FGD3: variants seen among roughly 807,000 people sequenced by gnomAD.
FGD3 encodes FYVE, RhoGEF and PH domain-containing protein 3.
FGD3 carries 45 observed loss-of-function variants against 71.8 expected under a neutral mutation model. The ratio of observed to expected loss-of-function variants is 0.63; its 90% CI spans 0.49 to 0.80. FGD3 has a LOEUF of 0.80. Ranked by LOEUF, FGD3 falls within the 30% of genes least tolerant of loss-of-function variation. FGD3 has a pLI of 0.00. For missense variants in FGD3, 844 were observed against 951.5 expected (o/e 0.89, Z 1.49); for synonymous variants, 378 against 392.8 (o/e 0.96, Z 0.44).
chr9:92,953,215 T>C (rs1858987735), intron 1 of FGD3, among the ~76,000 whole-genome samples: 1 of 152,198 alleles, frequency 6.6e-6, no homozygotes, highest in Non-Finnish European at 1.5e-5. Flanking sequence ...ATTGATAATT[T>C]TTTCCTACAG....
chr9:92,997,198 C>G (rs1860680618), intron 3 of FGD3, among the ~76,000 whole-genome samples: 1 of 152,142 alleles, frequency 6.6e-6, no homozygotes, highest in African/African-American at 2.4e-5. Context: ...GTTAGCTCTT[C>G]TTGTTGAATT....
intron 3 of FGD3, among the ~76,000 whole-genome samples, chr9:92,979,499 C>T (rs1859903149): frequency 6.6e-6 from 1 of 152,090 alleles, no homozygotes; most frequent in South Asian, 2.1e-4. Context: ...TGTTGAATTT[C>T]ATTTCCTAGT....
chr9:93,033,135 T>C, intron 16 of FGD3: 1 of 530,322 alleles, frequency 1.9e-6, no homozygotes. Context: ...CAAGTGTCAC[T>C]CCTGGTCACC....
intron 13 of FGD3, among the ~76,000 whole-genome samples, chr9:93,021,451 G>A (rs895077946): frequency 1.3e-5 from 2 of 152,110 alleles, no homozygotes; most frequent in African/African-American, 4.8e-5. Context: ...TGAGGAGGCC[G>A]ATCTCTGCCC....
chr9:93,022,441 T>G (rs1861959235), intron 14 of FGD3, 52 bp downstream of exon 14: 2 of 1,586,310 alleles, frequency 1.3e-6, no homozygotes, highest in South Asian at 1.1e-5. Context: ...GAGCAGGGGG[T>G]CAGACCAGGA....
At chr9:92,953,566 C>A (rs948348061) in intron 1 of FGD3, among the ~76,000 whole-genome samples, 1 of 152,150 alleles carries the variant, frequency 6.6e-6, no homozygotes, top group Admixed American at 6.6e-5. Context: ...CCCAGGGAGC[C>A]CCCAGGAACT....
chr9:93,010,689 G>C (rs1861300977), intron 7 of FGD3, among the ~76,000 whole-genome samples: 1 of 81,184 alleles, frequency 1.2e-5, no homozygotes, highest in African/African-American at 5.9e-5. Flanking sequence ...ACAGAGGGGA[G>C]GAGAGAGAGA....
At position 93,020,335 on chromosome 9, in the gene FGD3, G is replaced by A. The variant is rs61753294; in HGVS notation, c.1405G>A (p.Glu469Lys). Residue 469 changes from glutamate (E) to lysine (K), a missense_variant, in exon 13 of 18, where the codon GAG becomes AAG. Physicochemically the swap from Glu to Lys is moderately conservative, Grantham distance 56. Coordinates refer to ENST00000375482, the MANE Select transcript of FGD3 (RefSeq NM_001083536.2). ...EWIQIIQATI[E>K]KHKQNSETFK... ...TGTCCAGATCATCCAGGCCACCATC[G>A]AGAAGCACAAACAGAACAGCGAAAC... The A allele has an allele frequency of 8.1e-6, 13 of 1,612,684 alleles. 1 individual carries two copies. The South Asian group carries it at 1.1e-4, about 14-fold the overall frequency.
At chr9:93,000,476 T>C (rs1027899587) in intron 3 of FGD3, among the ~76,000 whole-genome samples, 2 of 152,230 alleles carry the variant, frequency 1.3e-5, no homozygotes, top group Non-Finnish European at 2.9e-5. Flanking sequence ...GCACATTTAA[T>C]GGCAAAGAAC....
At position 93,009,856 on chromosome 9, in the gene FGD3, C is replaced by T. The variant is rs139586824; in HGVS notation, c.838-390C>T. ...CCGATACCCAGTGGGGATGGTTGGG[C>T]GAAGCTCTGCCTGATTTCTCAGCAG... is the stretch of plus-strand genomic sequence containing the variant. On this transcript the variant is annotated intron_variant, in intron 6 of 17. Transcript: ENST00000375482. Among the ~76,000 whole-genome samples, 15 of 152,328 alleles carry T rather than the reference C, an allele frequency of 9.8e-5. No homozygotes were observed. The East Asian group carries it at 2.3e-3, about 24-fold the overall frequency.
chr9:92,950,852 A>G (rs577220342), intron 1 of FGD3, among the ~76,000 whole-genome samples: 92 of 152,360 alleles, frequency 6.0e-4, no homozygotes, highest in Non-Finnish European at 1.1e-3. Flanking sequence ...GCTCAGGGAC[A>G]GTGCTGCCCT....
intron 1 of FGD3, among the ~76,000 whole-genome samples, chr9:92,949,010 C>T (rs774724562): frequency 7.9e-5 from 12 of 152,172 alleles, no homozygotes; most frequent in Admixed American, 3.3e-4. Context: ...TTTCCTTATC[C>T]GCAAAATGAG....
intron 3 of FGD3, among the ~76,000 whole-genome samples, chr9:92,999,096 T>C (rs1208164368): frequency 1.3e-5 from 2 of 152,200 alleles, no homozygotes; most frequent in Non-Finnish European, 2.9e-5. Context: ...GCAGGCAGGC[T>C]TCCTTGAGCT....
At chr9:92,955,843 CT>C (rs1859041584) in intron 1 of FGD3, among the ~76,000 whole-genome samples, 1 of 152,174 alleles carries the variant, frequency 6.6e-6, no homozygotes, top group Admixed American at 6.5e-5. Flanking sequence ...TTGAAATTAT[CT>C]TTCTTCCACC....
At chr9:92,971,316 T>C (rs1003053863) in intron 1 of FGD3, among the ~76,000 whole-genome samples, 4 of 151,998 alleles carry the variant, frequency 2.6e-5, no homozygotes, top group Non-Finnish European at 4.4e-5. Context: ...CCTTCCAAGA[T>C]GGGAGTGATT....
chr9:92,999,342 A>G (rs1860769554), intron 3 of FGD3, among the ~76,000 whole-genome samples: 1 of 151,966 alleles, frequency 6.6e-6, no homozygotes. Context: ...TTAGGGTGGG[A>G]GTGTCTCGAT....
chr9:92,984,389 A>G (rs1860112239), intron 3 of FGD3, among the ~76,000 whole-genome samples: 1 of 152,174 alleles, frequency 6.6e-6, no homozygotes, highest in South Asian at 2.1e-4. Context: ...GAATTAGACA[A>G]ATTAATTTTC....
At chr9:93,012,713 T>G (rs1234600828) in intron 8 of FGD3, among the ~76,000 whole-genome samples, 1 of 148,572 alleles carries the variant, frequency 6.7e-6, no homozygotes, top group African/African-American at 2.5e-5. Flanking sequence ...GAAGAATCAA[T>G]CTACATAGAA....
intron 11 of FGD3, among the ~76,000 whole-genome samples, chr9:93,019,402 T>A (rs2118786858): frequency 6.6e-6 from 1 of 152,282 alleles, no homozygotes; most frequent in East Asian, 1.9e-4. Flanking sequence ...TGTTTTTAGG[T>A]GTTTCTGCAT....
Sources: gnomAD v4.1 joint callset for allele counts (sites outside exome capture counted in the v4.1 genomes callset) on GRCh38, gnomAD v4.1.1 for gene constraint, MANE v1.5 for transcripts, NCBI Gene and HGNC (gene_info 2026-07-23, HGNC 2026-07-21) for gene names.